Variants in SND1 observed in about 807,000 individuals in gnomAD.
SND1 encodes staphylococcal nuclease domain-containing protein 1.
Under a neutral mutation model 121.7 loss-of-function variants are expected in SND1, and 38 were observed. The observed-to-expected ratio is 0.31, with a 90% confidence interval of 0.24 to 0.41. The LOEUF (loss-of-function observed/expected upper bound fraction) is 0.41, where lower values mean the gene tolerates loss of function less well. Ranked by LOEUF, SND1 falls within the 10% of genes least tolerant of loss-of-function variation. SND1 has a pLI of 1.00. For synonymous variants in SND1, 401 were observed against 447.4 expected (o/e 0.90, Z 1.31); for missense variants, 868 against 1,184.6 (o/e 0.73, Z 3.92).
chr7:127,720,361 GT>G, intron 9 of SND1, among the ~76,000 whole-genome samples: 1 of 152,132 alleles, frequency 6.6e-6, no homozygotes, highest in South Asian at 2.1e-4. Flanking sequence ...TGGTGATAGT[GT>G]TTTGTAGTCT....
chr7:127,781,259 G>A (rs1287013930), intron 10 of SND1, among the ~76,000 whole-genome samples: 2 of 152,102 alleles, frequency 1.3e-5, no homozygotes, highest in Non-Finnish European at 1.5e-5. Flanking sequence ...AAAATGAAGA[G>A]ACCAATTAGT....
chr7:127,816,035 G>A (rs1287308645), intron 11 of SND1, among the ~76,000 whole-genome samples: 2 of 152,174 alleles, frequency 1.3e-5, no homozygotes, highest in African/African-American at 2.4e-5. Flanking sequence ...CAGTTGGTGT[G>A]GAGGAATTGA....
chr7:127,794,388 T>G (rs1797972853), intron 10 of SND1, among the ~76,000 whole-genome samples: 3 of 152,228 alleles, frequency 2.0e-5, no homozygotes, highest in Admixed American at 2.0e-4. Context: ...TGACTGGAAA[T>G]CTGGCTCAGT....
chr7:127,893,036 C>G (rs1800040590), intron 13 of SND1, among the ~76,000 whole-genome samples: 1 of 152,108 alleles, frequency 6.6e-6, no homozygotes, highest in Non-Finnish European at 1.5e-5. Flanking sequence ...GGCGAGCCTT[C>G]CAAACTTTAG....
chr7:128,047,225 A>C (rs149335866), intron 16 of SND1, among the ~76,000 whole-genome samples: 1 of 152,346 alleles, frequency 6.6e-6, no homozygotes, highest in African/African-American at 2.4e-5. Context: ...GGCACCTGCC[A>C]GCAGGGAGAA....
At chr7:127,815,332 A>G (rs185664820) in intron 11 of SND1, among the ~76,000 whole-genome samples, 34 of 151,344 alleles carry the variant, frequency 2.2e-4, no homozygotes, top group Admixed American at 2.0e-3. Flanking sequence ...CCTAATAAGA[A>G]GACGATCTAT....
intron 1 of SND1, among the ~76,000 whole-genome samples, chr7:127,681,470 C>A (rs911330066): frequency 6.6e-6 from 1 of 152,106 alleles, no homozygotes; most frequent in Non-Finnish European, 1.5e-5. Flanking sequence ...TCCATTGAAG[C>A]ACACTGTTTT....
chr7:127,950,472 A>G (rs1253913916), intron 15 of SND1, among the ~76,000 whole-genome samples: 1 of 152,228 alleles, frequency 6.6e-6, no homozygotes, highest in Non-Finnish European at 1.5e-5. Flanking sequence ...AGAAAGCCCT[A>G]AGTGGCCATT....
chr7:127,858,236 C>T, intron 12 of SND1: 1 of 771,966 alleles, frequency 1.3e-6, no homozygotes, highest in Non-Finnish European at 2.3e-6. Flanking sequence ...GCCAAGGTTT[C>T]CCTGGGCCAC....
intron 14 of SND1, among the ~76,000 whole-genome samples, chr7:127,924,084 C>A (rs1800782102): frequency 6.6e-6 from 1 of 151,868 alleles, no homozygotes; most frequent in African/African-American, 2.4e-5. Flanking sequence ...CCCTGGAGTC[C>A]TTTACCCTCA....
intron 15 of SND1, among the ~76,000 whole-genome samples, chr7:127,982,342 T>C (rs1802284815): frequency 6.6e-6 from 1 of 152,304 alleles, no homozygotes; most frequent in Non-Finnish European, 1.5e-5. Flanking sequence ...AAGTCTATCC[T>C]AAAAAATTGG....
Position 127,652,317 on chromosome 7 carries a change from A to G in SND1, c.-57A>G. The G allele has an allele frequency of 7.0e-7, 1 of 1,432,204 alleles. No individual in the cohort carries two copies. Among genetic ancestry groups the G allele is most frequent in the Non-Finnish European group, 9.6e-7 (1 of 1,036,426 alleles). The allele number at this position is 1,432,204 out of a possible 1,614,324, so 88.7% of individuals were successfully genotyped here. On this transcript the variant is annotated 5_prime_UTR_variant, in exon 1 of 24. Coordinates refer to ENST00000354725, the MANE Select transcript of SND1 (RefSeq NM_014390.4). The stretch of plus-strand genomic sequence containing the variant: ...CTCCCTTTCACCAACACCGACACCC[A>G]CATTGACACCTCCAGTCCGGCCAGC...
chr7:127,744,115 A>G (rs569876854), intron 10 of SND1, among the ~76,000 whole-genome samples: 30 of 152,366 alleles, frequency 2.0e-4, no homozygotes, highest in Middle Eastern at 3.4e-3. Context: ...TTAGTCAAAC[A>G]TCTGTTTATT....
intron 11 of SND1, among the ~76,000 whole-genome samples, chr7:127,834,697 A>G (rs927224350): frequency 6.6e-6 from 1 of 152,214 alleles, no homozygotes; most frequent in African/African-American, 2.4e-5. Context: ...GACAATTTAT[A>G]TACACAAGTG....
At chr7:127,855,304 G>T (rs568191160) in intron 12 of SND1, among the ~76,000 whole-genome samples, 1 of 152,108 alleles carries the variant, frequency 6.6e-6, no homozygotes, top group Non-Finnish European at 1.5e-5. Flanking sequence ...AGAGACCGAG[G>T]TTTAGCCATG....
chr7:127,717,702 C>T (rs970644551), intron 9 of SND1, among the ~76,000 whole-genome samples: 2 of 152,148 alleles, frequency 1.3e-5, no homozygotes, highest in Admixed American at 6.5e-5. Flanking sequence ...ACCACAGTCT[C>T]TGGTCATGCT....
chr7:127,692,639 G>A (rs1795941756), intron 2 of SND1: 1 of 152,208 alleles, frequency 6.6e-6, no homozygotes, highest in Non-Finnish European at 1.5e-5. Flanking sequence ...AGCTCTTTGA[G>A]TCTCTTGATT....
At chr7:128,056,319 AG>A in intron 16 of SND1, among the ~76,000 whole-genome samples, 1 of 152,234 alleles carries the variant, frequency 6.6e-6, no homozygotes, top group Non-Finnish European at 1.5e-5. Flanking sequence ...AGTAGCTGGA[AG>A]GGCGCAGCCA....
At chr7:127,851,579 C>T (rs1799165655) in intron 12 of SND1, among the ~76,000 whole-genome samples, 1 of 152,166 alleles carries the variant, frequency 6.6e-6, no homozygotes, top group Non-Finnish European at 1.5e-5. Context: ...TTCATTTAGC[C>T]ACTCACTCAT....
Sources: gnomAD v4.1 joint callset for allele counts (sites outside exome capture counted in the v4.1 genomes callset) on GRCh38, gnomAD v4.1.1 for gene constraint, MANE v1.5 for transcripts, NCBI Gene and HGNC (gene_info 2026-07-23, HGNC 2026-07-21) for gene names.